Variants in SASH1 observed in about 807,000 individuals in gnomAD.
SASH1 encodes the protein SAM and SH3 domain containing 1.
A neutral mutation model predicts 125.2 loss-of-function variants in SASH1; 44 were observed. That is an observed-to-expected ratio of 0.35 (90% CI 0.28 to 0.45). The LOEUF is 0.45. Among genes scored for constraint, SASH1 ranks in the 20% least tolerant of loss-of-function variants. SASH1 has a pLI of 1.00. For synonymous variants in SASH1, 639 were observed against 649.1 expected, an observed-to-expected ratio of 0.98 and a Z score of 0.24; for missense variants, 1,426 against 1,614.5, an observed-to-expected ratio of 0.88 and a Z score of 2.00.
chr6:148,395,060 A>G (rs1348400037), intron 2 of SASH1, among the ~76,000 whole-genome samples: 1 of 152,248 alleles, frequency 6.6e-6, no homozygotes, highest in Non-Finnish European at 1.5e-5. Flanking sequence ...AGAAGCCTCA[A>G]ACATTTTATA....
chr6:148,292,516 T>G (rs954678956), intron 1 of SASH1, among the ~76,000 whole-genome samples: 1 of 152,078 alleles, frequency 6.6e-6, no homozygotes, highest in African/African-American at 2.4e-5. Context: ...CACTGGCCTG[T>G]GGGGCTCTAC....
Position 148,533,063 on chromosome 6 carries a change from G to A in SASH1, c.1734+97G>A. 2 of 1,328,916 alleles carry A rather than the reference G, an allele frequency of 1.5e-6. No individual in the cohort carries two copies. The highest frequency in any genetic ancestry group is 2.1e-6 in the Non-Finnish European group (2 of 939,264). 82.3% of individuals were successfully genotyped at this position (1,328,916 alleles called of 1,614,324 possible). A position where few individuals can be genotyped will look rare whatever the true frequency, so the allele number is the denominator to read the frequency against. ...CACTGTTGAATGCTGGGCTACTATGGTACAGACTGGACAGTATCTTGGCTA... is the reference window on the plus strand; with the variant it reads ...CACTGTTGAATGCTGGGCTACTATGATACAGACTGGACAGTATCTTGGCTA... On this transcript the variant is annotated intron_variant, in intron 14 of 19. Coordinates refer to ENST00000367467, the MANE Select transcript of SASH1 (RefSeq NM_015278.5). This position sits in a 1 kb window ranked among gnomAD's most constrained non-coding sequence, Gnocchi z 6.2.
intron 2 of SASH1, among the ~76,000 whole-genome samples, chr6:148,418,768 G>T (rs1275734200): frequency 6.6e-6 from 1 of 152,194 alleles, no homozygotes; most frequent in Non-Finnish European, 1.5e-5. Flanking sequence ...GGAAGCACCT[G>T]ATCCAGTCTT....
chr6:148,468,739 G>T (rs1777963653), intron 5 of SASH1, 154 bp downstream of exon 5: 2 of 541,366 alleles, frequency 3.7e-6, no homozygotes, highest in Admixed American at 3.7e-5. Flanking sequence ...CTTTTTCTAG[G>T]CAGTTTTAAA....
chr6:148,453,255 G>A (rs762060039), intron 4 of SASH1, among the ~76,000 whole-genome samples: 1 of 152,194 alleles, frequency 6.6e-6, no homozygotes, highest in Non-Finnish European at 1.5e-5. Flanking sequence ...TTTAATGTAC[G>A]GAGGTGGCTG....
chr6:148,194,202 G>T, the SASH1 span, among the ~76,000 whole-genome samples: 2 of 152,154 alleles, frequency 1.3e-5, no homozygotes, highest in Non-Finnish European at 2.9e-5. Context: ...ATCAAAGAAT[G>T]CAGAGATTCC....
chr6:148,442,842 C>T (rs902415532), intron 4 of SASH1, among the ~76,000 whole-genome samples: 7 of 151,798 alleles, frequency 4.6e-5, no homozygotes, highest in African/African-American at 1.5e-4. Context: ...GGCGTCATCT[C>T]GGCTCACTGC....
the SASH1 span, among the ~76,000 whole-genome samples, chr6:148,204,504 C>T: frequency 1.3e-5 from 2 of 151,996 alleles, no homozygotes; most frequent in Non-Finnish European, 2.9e-5. Flanking sequence ...CCAGCCTGGC[C>T]AATGTAGTGA....
chr6:148,388,596 G>C (rs374629311), intron 1 of SASH1, among the ~76,000 whole-genome samples: 36 of 152,228 alleles, frequency 2.4e-4, no homozygotes, highest in African/African-American at 8.2e-4. Context: ...TTTCTGAAGC[G>C]TCATTTTTTT....
intron 2 of SASH1, among the ~76,000 whole-genome samples, chr6:148,422,543 C>T (rs2114949329): frequency 2.6e-5 from 4 of 152,270 alleles, no homozygotes; most frequent in Admixed American, 2.6e-4. Context: ...TAATTTTGAG[C>T]AATGAAGTAT....
chr6:148,436,419 C>T (rs1472764109), intron 2 of SASH1, among the ~76,000 whole-genome samples: 2 of 151,856 alleles, frequency 1.3e-5, no homozygotes, highest in African/African-American at 4.8e-5. Context: ...GTGGAAGGAT[C>T]CTTTGAGCCT....
At chr6:148,250,583 A>C in the SASH1 span, among the ~76,000 whole-genome samples, 3 of 151,948 alleles carry the variant, frequency 2.0e-5, no homozygotes, top group Non-Finnish European at 4.4e-5. Context: ...AAAAAAAAAA[A>C]AAAAAACTGT....
At chr6:148,251,443 C>T in the SASH1 span, among the ~76,000 whole-genome samples, 2 of 152,242 alleles carry the variant, frequency 1.3e-5, no homozygotes, top group Non-Finnish European at 2.9e-5. Context: ...CAATTACTTG[C>T]TTACCGAAAC....
At chr6:148,363,475 C>T (rs1385681954) in intron 1 of SASH1, among the ~76,000 whole-genome samples, 1 of 151,904 alleles carries the variant, frequency 6.6e-6, no homozygotes, top group Non-Finnish European at 1.5e-5. Flanking sequence ...GATCTTCGCT[C>T]ACTGCAACCT....
intron 2 of SASH1, among the ~76,000 whole-genome samples, chr6:148,433,410 T>C (rs926599491): frequency 1.4e-5 from 2 of 139,804 alleles, no homozygotes; most frequent in African/African-American, 5.9e-5. Context: ...TTTTTTCTTT[T>C]TTTTTTTTTT....
intron 9 of SASH1, among the ~76,000 whole-genome samples, chr6:148,518,176 C>T (rs1381214418): frequency 6.6e-6 from 1 of 152,134 alleles, no homozygotes; most frequent in East Asian, 1.9e-4. Flanking sequence ...GATATTGGTA[C>T]CCTGCATCTG....
At chr6:148,543,039 A>G (rs1782327563) in intron 17 of SASH1, among the ~76,000 whole-genome samples, 1 of 152,234 alleles carries the variant, frequency 6.6e-6, no homozygotes, top group Admixed American at 6.5e-5. Context: ...TTCAGTTATC[A>G]GTCTGGCAGT....
intron 2 of SASH1, among the ~76,000 whole-genome samples, chr6:148,439,446 C>T (rs968619043): frequency 1.2e-4 from 18 of 152,212 alleles, no homozygotes; most frequent in African/African-American, 3.6e-4. Context: ...AACAACTTCT[C>T]CTAAGCTATT....
At chr6:148,547,246 A>G (rs1414041693) in intron 19 of SASH1, among the ~76,000 whole-genome samples, 2 of 152,178 alleles carry the variant, frequency 1.3e-5, no homozygotes, top group Non-Finnish European at 2.9e-5. Context: ...CAAGTACTGC[A>G]TTACCGCAAC....
Sources: allele counts gnomAD v4.1 joint callset (sites outside exome capture counted in the v4.1 genomes callset), GRCh38; gene constraint gnomAD v4.1.1; non-coding constraint Gnocchi (gnomAD v3.1); transcripts MANE v1.5; gene names NCBI Gene and HGNC (gene_info 2026-07-23, HGNC 2026-07-21).